Variants in SVIL observed in about 807,000 individuals in gnomAD.
SVIL encodes supervillin, also known as archvillin.
Under a neutral mutation model 240.4 loss-of-function variants are expected in SVIL, and 101 were observed. The ratio of observed to expected loss-of-function variants is 0.42; its 90% confidence interval spans 0.36 to 0.50. The LOEUF is 0.50. Among genes scored for constraint, SVIL ranks in the 20% least tolerant of loss-of-function variants. The pLI, the probability that SVIL is intolerant of heterozygous loss-of-function variation, is 0.01. For synonymous variants in SVIL, 999 were observed against 1,100.0 expected, an observed-to-expected ratio of 0.91 and a Z score of 1.82; for missense variants, 2,512 against 2,818.7, an observed-to-expected ratio of 0.89 and a Z score of 2.46.
intron 6 of SVIL, among the ~76,000 whole-genome samples, chr10:29,549,748 C>A (rs1299015128): frequency 6.9e-6 from 1 of 144,298 alleles, no homozygotes; most frequent in Admixed American, 7.0e-5. Context: ...TGGAAACCAT[C>A]ATTCTCAGTA....
chr10:29,522,739 A>G, intron 15 of SVIL, 104 bp from the exon 16 acceptor site: 2 of 1,265,894 alleles, frequency 1.6e-6, no homozygotes, highest in South Asian at 1.4e-5. Flanking sequence ...CCGTGGGCAC[A>G]CGGCGGGTGA....
chr10:29,571,791 A>AC (rs1164309508), intron 1 of SVIL, among the ~76,000 whole-genome samples: 15 of 152,310 alleles, frequency 9.8e-5, no homozygotes, highest in African/African-American at 3.6e-4. Context: ...ATTCAAGAGA[A>AC]CCAGGAGAAA....
intron 1 of SVIL, among the ~76,000 whole-genome samples, chr10:29,582,730 T>C (rs1197043050): frequency 9.0e-6 from 1 of 111,306 alleles, no homozygotes; most frequent in Non-Finnish European, 1.8e-5. Flanking sequence ...AGACCCTGTC[T>C]CTAATAATAA....
intron 1 of SVIL, among the ~76,000 whole-genome samples, chr10:29,617,406 G>C (rs1186788640): frequency 6.6e-6 from 1 of 151,732 alleles, no homozygotes; most frequent in Admixed American, 6.6e-5. Flanking sequence ...TCTCTATTTT[G>C]TATTTTGTAC....
intron 29 of SVIL, among the ~76,000 whole-genome samples, 153 bp from the exon 30 acceptor site, chr10:29,474,142 G>A (rs1945905464): frequency 6.6e-6 from 1 of 152,166 alleles, no homozygotes; most frequent in South Asian, 2.1e-4. Context: ...TGGAGGGAAG[G>A]CTGGTCACGC....
intron 1 of SVIL, among the ~76,000 whole-genome samples, chr10:29,604,320 C>T (rs1956930339): frequency 6.9e-6 from 1 of 144,486 alleles, no homozygotes; most frequent in Non-Finnish European, 1.5e-5. Context: ...ATGCCTCAGA[C>T]ACCTAAGTAG....
At chr10:29,494,569 T>C (rs1948256189) in intron 20 of SVIL, among the ~76,000 whole-genome samples, 1 of 152,246 alleles carries the variant, frequency 6.6e-6, no homozygotes, top group Admixed American at 6.5e-5. Context: ...TGTGATTATA[T>C]GAAATAATAT....
At chr10:29,663,993 T>C (rs1456358223) in intron 2 of SVIL, among the ~76,000 whole-genome samples, 1 of 152,240 alleles carries the variant, frequency 6.6e-6, no homozygotes, top group Non-Finnish European at 1.5e-5. Flanking sequence ...CCCTCTGTCC[T>C]TGGGGATATC....
chr10:29,584,132 G>A (rs1235801519), intron 1 of SVIL, among the ~76,000 whole-genome samples: 8 of 152,228 alleles, frequency 5.3e-5, no homozygotes, highest in South Asian at 2.1e-4. Flanking sequence ...ATGGCAATAG[G>A]TGAACAGGGA....
At chr10:29,641,728 C>A (rs972453257) in intron 3 of SVIL, among the ~76,000 whole-genome samples, 3 of 152,250 alleles carry the variant, frequency 2.0e-5, no homozygotes, top group Admixed American at 6.5e-5. Flanking sequence ...TGACACTTAA[C>A]CCTTAGGTTA....
intron 3 of SVIL, among the ~76,000 whole-genome samples, chr10:29,650,879 T>C (rs1488221169): frequency 1.3e-5 from 2 of 152,198 alleles, no homozygotes; most frequent in African/African-American, 4.8e-5. Context: ...AGGCCAGTAG[T>C]TTGTGCTACT....
At chr10:29,562,078 G>A (rs1166792792) in intron 3 of SVIL, among the ~76,000 whole-genome samples, 2 of 152,146 alleles carry the variant, frequency 1.3e-5, no homozygotes, top group Non-Finnish European at 2.9e-5. Flanking sequence ...AAAAGAATAC[G>A]TTTTTTGTTC....
intron 36 of SVIL, among the ~76,000 whole-genome samples, chr10:29,461,080 A>T (rs1359805657): frequency 6.6e-6 from 1 of 152,116 alleles, no homozygotes; most frequent in Non-Finnish European, 1.5e-5. Flanking sequence ...TAGGCCAGAG[A>T]CACAGATTTG....
chr10:29,462,157 G>T, intron 36 of SVIL, 120 bp downstream of exon 36: 1 of 1,325,998 alleles, frequency 7.5e-7, no homozygotes, highest in Non-Finnish European at 1.0e-6. Flanking sequence ...TTAAGATGTT[G>T]CAAAAGGAAA....
chr10:29,530,087 T>A (rs1034431527), intron 11 of SVIL, among the ~76,000 whole-genome samples: 6 of 152,020 alleles, frequency 3.9e-5, no homozygotes, highest in Admixed American at 6.6e-5. Context: ...GGTGGGAACA[T>A]CACTTGAGCC....
At chr10:29,574,009 A>G (rs1955571354) in intron 1 of SVIL, among the ~76,000 whole-genome samples, 1 of 152,044 alleles carries the variant, frequency 6.6e-6, no homozygotes, top group Non-Finnish European at 1.5e-5. Context: ...GACTTTCTTA[A>G]ATTTCAGGGA....
chr10:29,662,196 C>A (rs2133039549), intron 2 of SVIL, among the ~76,000 whole-genome samples: 1 of 152,274 alleles, frequency 6.6e-6, no homozygotes, highest in Admixed American at 6.5e-5. Flanking sequence ...TTCACAGAGC[C>A]TTAGGCACTT....
chr10:29,492,545 T>C (rs1948072636), intron 21 of SVIL, among the ~76,000 whole-genome samples: 1 of 152,082 alleles, frequency 6.6e-6, no homozygotes, highest in African/African-American at 2.4e-5. Context: ...CTCCGCACTG[T>C]TCAGCCAGTG....
Position 29,550,886 on chromosome 10 carries a change from C to T in SVIL, c.538G>A (p.Gly180Ser), listed in dbSNP as rs144498144. Residue 180 changes from glycine (G) to serine (S), a missense_variant, in exon 6 of 38, where the codon GGT (glycine) becomes AGT (serine). Physicochemically the swap from Gly to Ser is moderately conservative, Grantham distance 56 (BLOSUM62 0). Transcript: ENST00000355867. ...TGGAGGGCATAGTCCTTGGATTCACCGGCACAGGTCCTGAGCCCCATCGTC... is the reference window on the plus strand; with the variant it reads ...TGGAGGGCATAGTCCTTGGATTCACTGGCACAGGTCCTGAGCCCCATCGTC... ...TETMGLRTCA[G>S]ESKDYALHVG... 6.2e-6 allele frequency: 10 copies of T among 1,613,842 alleles called. No homozygotes were observed. Among genetic ancestry groups the T allele is most frequent in the Middle Eastern group, 1.6e-4 (1 of 6,084 alleles).
Sources: allele counts gnomAD v4.1 joint callset (sites outside exome capture counted in the v4.1 genomes callset), GRCh38; gene constraint gnomAD v4.1.1; transcripts MANE v1.5; gene names NCBI Gene and HGNC (gene_info 2026-07-23, HGNC 2026-07-21).